Variants in BAZ1A observed in about 807,000 individuals in gnomAD.
BAZ1A encodes bromodomain adjacent to zinc finger domain protein 1A.
A neutral mutation model predicts 185.2 loss-of-function variants in BAZ1A; 50 were observed. That is an observed-to-expected ratio of 0.27 (90% CI 0.22 to 0.34). BAZ1A has a LOEUF of 0.34. Among genes scored for constraint, BAZ1A ranks in the 10% least tolerant of loss-of-function variants. The probability of loss-of-function intolerance (pLI) is 1.00; values close to 1 mark genes in which losing one functional copy is unlikely to be tolerated. For synonymous variants in BAZ1A, 571 were observed against 615.6 expected, an observed-to-expected ratio of 0.93 and a Z score of 1.07; for missense variants, 1,356 against 1,839.9, an observed-to-expected ratio of 0.74 and a Z score of 4.81.
At position 34,874,067 on chromosome 14, in the gene BAZ1A, G is replaced by A. The variant is rs1015341299; in HGVS notation, c.113+425C>T. 1.3e-5 allele frequency among the ~76,000 whole-genome samples: 2 copies of A among 152,150 alleles called. No individual in the cohort carries two copies. The highest frequency in any genetic ancestry group is 4.8e-5 in the African/African-American group (2 of 41,452). On this transcript the variant is annotated intron_variant, in intron 2 of 26. Coordinates refer to ENST00000360310, the MANE Select transcript of BAZ1A (RefSeq NM_013448.3). This position sits in a 1 kb window ranked among gnomAD's most constrained non-coding sequence, Gnocchi z 4.7. Reference sequence around the variant, plus strand: ...CAGGAATTCCCTTCCCCGGCCCAGGGACTGCGGCCCCACGTCGCTGACCCT... The same window carrying A: ...CAGGAATTCCCTTCCCCGGCCCAGGAACTGCGGCCCCACGTCGCTGACCCT...
chr14:34,816,966 G>A (rs1179211086), intron 4 of BAZ1A: 14 of 269,818 alleles, frequency 5.2e-5, no homozygotes, highest in South Asian at 1.6e-4. Context: ...GAACAATAGC[G>A]GACAATATAA....
intron 3 of BAZ1A, among the ~76,000 whole-genome samples, chr14:34,829,712 A>G (rs946999595): frequency 2.0e-5 from 3 of 152,174 alleles, no homozygotes; most frequent in Admixed American, 6.6e-5. Context: ...AATCTTCTGT[A>G]AACCATTATC....
At position 34,815,965 on chromosome 14, in the gene BAZ1A, A is replaced by G. The variant is rs115444671; in HGVS notation, c.537-4929T>C. Among the ~76,000 whole-genome samples, 935 of 152,284 alleles carry G rather than the reference A, an allele frequency of 6.1e-3. 17 individuals carry two copies. The highest frequency in any genetic ancestry group is 0.022 in the African/African-American group (903 of 41,556). ...AAAACAATTAGGTCTGCTTCTTTAAAAATAACACTCAGATTTCATTTATCT... is the reference window on the plus strand; with the variant it reads ...AAAACAATTAGGTCTGCTTCTTTAAGAATAACACTCAGATTTCATTTATCT... On this transcript the variant is annotated intron_variant, in intron 4 of 26. Transcript: ENST00000360310.
At chr14:34,761,172 G>C (rs753726433) in intron 24 of BAZ1A, among the ~76,000 whole-genome samples, 1 of 152,074 alleles carries the variant, frequency 6.6e-6, no homozygotes, top group Non-Finnish European at 1.5e-5. Flanking sequence ...TGCTACTCGA[G>C]AGGCTGAGGC....
rs748229623 is a variant in BAZ1A at position 34,780,346 on chromosome 14, AAT to A, written c.2112-38_2112-37del. The A allele has an allele frequency of 5.7e-6, 9 of 1,572,778 alleles. No individual in the cohort carries two copies. The African/African-American group carries it at 1.2e-4, about 22-fold the overall frequency. On this transcript the variant is annotated intron_variant, in intron 16 of 26. Coordinates refer to ENST00000360310, the MANE Select transcript of BAZ1A (RefSeq NM_013448.3). ...AAAACAAAGATGACATTTACTAATG[AAT>A]ATATAATTCCATTTATGAAATATTT...
At position 34,874,770 on chromosome 14, in the gene BAZ1A, C is replaced by A; in HGVS notation, c.-58-108G>T. The A allele has an allele frequency of 1.9e-6, 1 of 534,380 alleles. No homozygotes were observed. Among genetic ancestry groups the A allele is most frequent in the Non-Finnish European group, 3.2e-6 (1 of 310,226 alleles). The allele number at this position is 534,380 out of a possible 1,614,324, so 33.1% of individuals were successfully genotyped here. On this transcript the variant is annotated intron_variant, in intron 1 of 26. Transcript: ENST00000360310. The surrounding 1 kb of genome is among the most constrained non-coding windows in gnomAD (Gnocchi z 4.7). ...GCTCGGCTGCCTTTTGTGTGACTGA[C>A]GCGCCGCGGCCGCTACCGGAGCCGA...
chr14:34,827,276 T>C (rs1268175232), intron 3 of BAZ1A, among the ~76,000 whole-genome samples: 2 of 152,240 alleles, frequency 1.3e-5, no homozygotes, highest in East Asian at 1.9e-4. Context: ...GTTCTGTTTA[T>C]GTCTGTTACG....
chr14:34,774,529 A>G, intron 18 of BAZ1A, 39 bp from the exon 19 acceptor site: 5 of 1,498,070 alleles, frequency 3.3e-6, no homozygotes, highest in Admixed American at 2.2e-5. Flanking sequence ...TGATTTTCTT[A>G]TTAAAAACTA....
At position 34,786,373 on chromosome 14, in the gene BAZ1A, G is replaced by A; in HGVS notation, c.1511-152C>T. On this transcript the variant is annotated intron_variant, in intron 12 of 26. Transcript: ENST00000360310. Reference sequence around the variant, plus strand: ...TAGGTACAAGCAATATTCACATTCTGCTTCATCACCACCTACAGCTATAAA... The same window carrying A: ...TAGGTACAAGCAATATTCACATTCTACTTCATCACCACCTACAGCTATAAA... 6.4e-6 allele frequency: 4 copies of A among 621,396 alleles called. No individual in the cohort carries two copies. The South Asian group carries it at 8.4e-5, about 13-fold the overall frequency. 38.5% of individuals were successfully genotyped at this position (621,396 alleles called of 1,614,324 possible).
At position 34,764,905 on chromosome 14, in the gene BAZ1A, G is replaced by A. The variant is rs1270938185; in HGVS notation, c.3578C>T (p.Pro1193Leu). The change falls in exon 23 of 27, where the codon CCA becomes CTA. Residue 1193 changes from proline (P) to leucine (L), a missense_variant. Physicochemically the swap from Pro to Leu is moderately conservative, Grantham distance 98. Around this residue, in one of 7 missense-constraint regions of BAZ1A, gnomAD observed 309 missense variants for 355.3 expected, o/e 0.87. Coordinates refer to ENST00000360310, the MANE Select transcript of BAZ1A (RefSeq NM_013448.3). ...AGAACGTTGCTTTGGTCGACATTCT[G>A]GACAAAACCAGTCTCCTTCAGGCAC... ...KTVPEGDWFC[P>L]ECRPKQRSRR... is the part of the protein sequence containing the mutation. 1.9e-6 allele frequency: 3 copies of A among 1,613,806 alleles called. No individual in the cohort carries two copies. Among genetic ancestry groups the A allele is most frequent in the Non-Finnish European group, 2.5e-6 (3 of 1,179,998 alleles).
intron 3 of BAZ1A, among the ~76,000 whole-genome samples, chr14:34,838,036 G>A (rs1464735597): frequency 6.6e-6 from 1 of 150,790 alleles, no homozygotes; most frequent in African/African-American, 2.4e-5. Context: ...CAATGAAAAC[G>A]ATTGTTACAA....
intron 25 of BAZ1A, among the ~76,000 whole-genome samples, chr14:34,757,282 T>C (rs1886293079): frequency 6.7e-6 from 1 of 149,620 alleles, no homozygotes; most frequent in Non-Finnish European, 1.5e-5. Context: ...GGAGAATCAC[T>C]TGAACCCAGA....
chr14:34,843,119 T>TA (rs11389052), intron 3 of BAZ1A, among the ~76,000 whole-genome samples: 43,854 of 141,084 alleles, frequency 0.31, 6,851 homozygotes, highest in Non-Finnish European at 0.39. Context: ...AGGGACTGGC[T>TA]AAAAAAAAAA....
At chr14:34,827,643 G>A (rs2138719614) in intron 3 of BAZ1A, among the ~76,000 whole-genome samples, 1 of 151,646 alleles carries the variant, frequency 6.6e-6, no homozygotes, top group South Asian at 2.1e-4. Flanking sequence ...GCTGGGGCAG[G>A]AGAATGGCGT....
Position 34,839,826 on chromosome 14 carries a change from C to G in BAZ1A, c.393-13670G>C, listed in dbSNP as rs528337951. On this transcript the variant is annotated intron_variant, in intron 3 of 26. Transcript: ENST00000360310. Reference sequence around the variant, plus strand: ...CTGCACTCCAGCCTGGGCGACAAAGCGAGCCTCTGTTTCAAAAAAAAAAAA... The same window carrying G: ...CTGCACTCCAGCCTGGGCGACAAAGGGAGCCTCTGTTTCAAAAAAAAAAAA... 3.5e-5 allele frequency among the ~76,000 whole-genome samples: 4 copies of G among 112,886 alleles called. No homozygotes were observed. In the South Asian group the frequency reaches 1.2e-3, roughly 34 times the overall value. 74.1% of individuals were successfully genotyped at this position (112,886 alleles called of 152,430 possible).
intron 3 of BAZ1A, among the ~76,000 whole-genome samples, chr14:34,845,929 G>C (rs1480520937): frequency 6.6e-6 from 1 of 151,910 alleles, no homozygotes; most frequent in Non-Finnish European, 1.5e-5. Flanking sequence ...GATCATGATG[G>C]AGGCAGAAAA....
chr14:34,874,287 C>CG lies in BAZ1A; in HGVS notation c.113+204dup. ...AGCCTCCTCCGCCACTACCAACCCGCGTTCCCCACGCGCGCCGCCGCCAGT... is the reference window on the plus strand; with the variant it reads ...AGCCTCCTCCGCCACTACCAACCCGCGGTTCCCCACGCGCGCCGCCGCCAGT... On this transcript the variant is annotated intron_variant, in intron 2 of 26. Coordinates refer to ENST00000360310, the MANE Select transcript of BAZ1A (RefSeq NM_013448.3). The surrounding 1 kb of genome is among the most constrained non-coding windows in gnomAD (Gnocchi z 4.7). 1 of 544,030 alleles carries CG rather than the reference C, an allele frequency of 1.8e-6. No homozygotes were observed. The highest frequency in any genetic ancestry group is 2.1e-5 in the South Asian group (1 of 47,898). The allele number at this position is 544,030 out of a possible 1,614,324, so 33.7% of individuals were successfully genotyped here. A position where few individuals can be genotyped will look rare whatever the true frequency, so the allele number is the denominator to read the frequency against.
At chr14:34,770,013 A>G (rs1209457829) in intron 21 of BAZ1A, among the ~76,000 whole-genome samples, 1 of 152,218 alleles carries the variant, frequency 6.6e-6, no homozygotes, top group African/African-American at 2.4e-5. Context: ...ACGATTATCA[A>G]TTTACAACAG....
chr14:34,793,984 T>C (rs1881034415), intron 11 of BAZ1A, among the ~76,000 whole-genome samples: 1 of 151,688 alleles, frequency 6.6e-6, no homozygotes, highest in Non-Finnish European at 1.5e-5. Context: ...AGAAAAAAAT[T>C]AGCTGGGCAT....
Sources: allele counts gnomAD v4.1 joint callset (sites outside exome capture counted in the v4.1 genomes callset), GRCh38; gene constraint gnomAD v4.1.1; regional missense constraint gnomAD v4.1.1; non-coding constraint Gnocchi (gnomAD v3.1); transcripts MANE v1.5; gene names NCBI Gene and HGNC (gene_info 2026-07-23, HGNC 2026-07-21).